The following AUTS2 variants were observed in gnomAD, a reference collection of about 807,000 sequenced individuals.
AUTS2 encodes autism susceptibility gene 2 protein.
AUTS2 carries 17 observed loss-of-function variants against 112.4 expected under a neutral mutation model. The observed-to-expected ratio is 0.15, with a 90% CI of 0.10 to 0.23. The LOEUF (loss-of-function observed/expected upper bound fraction) is 0.23. AUTS2 is among the 10% of genes least tolerant of loss of function. The pLI, the probability that AUTS2 is intolerant of heterozygous loss-of-function variation, is 1.00. For missense variants in AUTS2, 1,510 were observed against 1,701.6 expected (o/e 0.89, Z 1.98); for synonymous variants, 751 against 702.7 (o/e 1.07, Z -1.09).
At chr7:70,038,613 C>G (rs1801111390) in intron 2 of AUTS2, among the ~76,000 whole-genome samples, 1 of 152,048 alleles carries the variant, frequency 6.6e-6, no homozygotes, top group Admixed American at 6.6e-5. Flanking sequence ...AATCCTGCCA[C>G]CATTTATCAT....
chr7:70,475,856 T>C (rs1429890487), intron 5 of AUTS2, among the ~76,000 whole-genome samples: 1 of 152,090 alleles, frequency 6.6e-6, no homozygotes, highest in African/African-American at 2.4e-5. Flanking sequence ...GGCAACATAG[T>C]GAGACCCTGT....
intron 1 of AUTS2, among the ~76,000 whole-genome samples, chr7:69,705,578 A>G (rs1418943945): frequency 6.6e-6 from 1 of 152,212 alleles, no homozygotes; most frequent in Non-Finnish European, 1.5e-5. Flanking sequence ...CTGACAGGGA[A>G]CAAATTGTCA....
At chr7:70,077,534 G>A (rs1327764077) in intron 2 of AUTS2, among the ~76,000 whole-genome samples, 1 of 152,192 alleles carries the variant, frequency 6.6e-6, no homozygotes, top group African/African-American at 2.4e-5. Flanking sequence ...GGAGCAAAGT[G>A]TTTGTTGACC....
chr7:70,257,481 C>T (rs1215811048), intron 4 of AUTS2, among the ~76,000 whole-genome samples: 3 of 152,058 alleles, frequency 2.0e-5, no homozygotes, highest in Non-Finnish European at 4.4e-5. Context: ...CCATGCCGAG[C>T]TAATTTTTGT....
intron 5 of AUTS2, among the ~76,000 whole-genome samples, chr7:70,514,095 G>C (rs1335482762): frequency 6.6e-6 from 1 of 151,972 alleles, no homozygotes; most frequent in Non-Finnish European, 1.5e-5. Context: ...AATATGTTTT[G>C]GCTGTTTATC....
intron 2 of AUTS2, among the ~76,000 whole-genome samples, chr7:70,071,488 C>T (rs1312934357): frequency 6.6e-6 from 1 of 152,216 alleles, no homozygotes; most frequent in Non-Finnish European, 1.5e-5. Flanking sequence ...CCCCTCTCCT[C>T]TCCCACAGAT....
At chr7:69,643,064 A>G (rs896007641) in intron 1 of AUTS2, among the ~76,000 whole-genome samples, 1 of 152,058 alleles carries the variant, frequency 6.6e-6, no homozygotes, top group Non-Finnish European at 1.5e-5. Context: ...GGTGGAACTT[A>G]TTTCCTTGCA....
At chr7:70,031,621 C>A (rs538184084) in intron 2 of AUTS2, among the ~76,000 whole-genome samples, 3 of 152,086 alleles carry the variant, frequency 2.0e-5, no homozygotes, top group African/African-American at 7.2e-5. Flanking sequence ...TTGAGGAAGG[C>A]GCTTTGAGGA....
At chr7:69,733,685 T>A (rs1011546395) in intron 1 of AUTS2, among the ~76,000 whole-genome samples, 1 of 152,214 alleles carries the variant, frequency 6.6e-6, no homozygotes, top group South Asian at 2.1e-4. Context: ...GTTAAGGATG[T>A]GCCTCGCATG....
chr7:70,263,277 G>T (rs146137502), intron 4 of AUTS2, among the ~76,000 whole-genome samples: 4 of 152,048 alleles, frequency 2.6e-5, no homozygotes, highest in African/African-American at 9.7e-5. Context: ...ACATCCTTGG[G>T]TCAGTGTAGT....
At chr7:70,549,523 G>A (rs6967298) in intron 5 of AUTS2, among the ~76,000 whole-genome samples, 114,963 of 152,078 alleles carry the variant, frequency 0.76, 43,955 homozygotes, top group Non-Finnish European at 0.79. Context: ...GCATTAGCAA[G>A]GAAGTAAAAA....
intron 7 of AUTS2, among the ~76,000 whole-genome samples, chr7:70,764,217 G>A (rs965578726): frequency 4.6e-5 from 7 of 152,216 alleles, no homozygotes; most frequent in South Asian, 2.1e-4. Context: ...CCAAGGAGCC[G>A]GGCCCGGCTT....
chr7:70,698,223 A>C (rs976051046), intron 5 of AUTS2, among the ~76,000 whole-genome samples: 3 of 152,264 alleles, frequency 2.0e-5, no homozygotes, highest in African/African-American at 7.2e-5. Flanking sequence ...CACGAAAAAC[A>C]TAACATTTCC....
intron 1 of AUTS2, among the ~76,000 whole-genome samples, chr7:69,663,835 G>A (rs544624607): frequency 2.6e-5 from 4 of 152,172 alleles, no homozygotes; most frequent in Non-Finnish European, 5.9e-5. Context: ...TGGTAAAAAG[G>A]TAATTTTGCA....
rs1794371312 is a variant in AUTS2, at chr7:70,402,596, G to A, written c.661-33156G>A. On this transcript the variant is annotated intron_variant, in intron 4 of 18. Coordinates refer to ENST00000342771, the MANE Select transcript of AUTS2 (RefSeq NM_015570.4). ...ACTCAACCTAGAGTTCTGGTTTGTA[G>A]GGTACAGAGAGAAAGGCTTGCATGC... is the stretch of plus-strand genomic sequence containing the variant. Among the ~76,000 whole-genome samples the A allele has an allele frequency of 2.6e-5, 4 of 152,194 alleles. No individual in the cohort carries two copies. In the South Asian group the frequency reaches 8.3e-4, roughly 31 times the overall value.
chr7:69,842,884 T>G (rs1256717971), intron 1 of AUTS2, among the ~76,000 whole-genome samples: 1 of 152,150 alleles, frequency 6.6e-6, no homozygotes, highest in African/African-American at 2.4e-5. Flanking sequence ...TGGTTGCCCG[T>G]CTCAGCTCAG....
At chr7:70,716,080 A>T (rs1466375033) in intron 6 of AUTS2, among the ~76,000 whole-genome samples, 1 of 152,238 alleles carries the variant, frequency 6.6e-6, no homozygotes, top group Non-Finnish European at 1.5e-5. Flanking sequence ...TTAATCGAAA[A>T]TCTGATGATC....
At chr7:70,646,931 T>C (rs1806201317) in intron 5 of AUTS2, among the ~76,000 whole-genome samples, 1 of 152,198 alleles carries the variant, frequency 6.6e-6, no homozygotes, top group African/African-American at 2.4e-5. Flanking sequence ...TGCTCTGGCC[T>C]TGCTGCTCAT....
intron 1 of AUTS2, among the ~76,000 whole-genome samples, chr7:69,834,704 A>G (rs569413288): frequency 6.6e-6 from 1 of 152,290 alleles, no homozygotes; most frequent in South Asian, 2.1e-4. Flanking sequence ...TCAAATAAGA[A>G]CTACTTTAGA....
Sources: allele counts gnomAD v4.1 joint callset (sites outside exome capture counted in the v4.1 genomes callset), GRCh38; gene constraint gnomAD v4.1.1; transcripts MANE v1.5; gene names NCBI Gene and HGNC (gene_info 2026-07-23, HGNC 2026-07-21).